Variants in IQANK1 observed in about 807,000 individuals in gnomAD.
The protein encoded by IQANK1 is IQ motif and ankyrin repeat domain-containing protein 1.
Under a neutral mutation model 22.6 loss-of-function variants are expected in IQANK1, and 30 were observed. That is an observed-to-expected ratio of 1.33 (90% CI 0.99 to 1.80). IQANK1 has a LOEUF of 1.80. Among genes scored for constraint, IQANK1 ranks in the 40% most tolerant of loss-of-function variants. The pLI is 0.00. For synonymous variants in IQANK1, 122 were observed against 99.6 expected (o/e 1.23, Z -1.34); for missense variants, 275 against 235.2 (o/e 1.17, Z -1.11).
intron 7 of IQANK1, among the ~76,000 whole-genome samples, chr8:143,775,936 G>C (rs1401903083): frequency 1.3e-5 from 2 of 152,070 alleles, no homozygotes; most frequent in African/African-American, 2.4e-5. Flanking sequence ...TAGTTAATCT[G>C]AAGATATAGC....
At chr8:143,742,148 C>T (rs1476626073) in intron 3 of IQANK1, 2 of 352,212 alleles carry the variant, frequency 5.7e-6, no homozygotes, top group Admixed American at 7.5e-5. Context: ...GAGCCACCCC[C>T]AAGCCTTTCC....
At chr8:143,763,051 C>T (rs535009717) in intron 3 of IQANK1, among the ~76,000 whole-genome samples, 1 of 150,702 alleles carries the variant, frequency 6.6e-6, no homozygotes, top group Non-Finnish European at 1.5e-5. Context: ...GAGTCTTGCT[C>T]TGTCACCCAG....
intron 3 of IQANK1, chr8:143,742,068 G>A (rs886261565): frequency 6.8e-6 from 2 of 293,288 alleles, no homozygotes; most frequent in African/African-American, 2.2e-5. Context: ...CGCTGCGGCC[G>A]ACTCTCTCTA....
chr8:143,737,927 G>T (rs374372266), intron 2 of IQANK1, among the ~76,000 whole-genome samples: 3 of 152,216 alleles, frequency 2.0e-5, no homozygotes, highest in Non-Finnish European at 4.4e-5. Flanking sequence ...GGCCGGCATG[G>T]GGTCCCCTGC....
chr8:143,760,912 G>A (rs931803567), intron 3 of IQANK1, among the ~76,000 whole-genome samples: 2 of 152,154 alleles, frequency 1.3e-5, no homozygotes, highest in African/African-American at 2.4e-5. Context: ...GGCGGGGCGC[G>A]GCCCAGCGCG....
chr8:143,740,716 C>G (rs1408191821), intron 3 of IQANK1, among the ~76,000 whole-genome samples: 1 of 152,326 alleles, frequency 6.6e-6, no homozygotes, highest in Non-Finnish European at 1.5e-5. Flanking sequence ...GGCCTGGCAC[C>G]GGCAGCCACC....
intron 3 of IQANK1, among the ~76,000 whole-genome samples, chr8:143,765,784 C>G (rs1167643145): frequency 1.3e-5 from 2 of 152,110 alleles, no homozygotes; most frequent in African/African-American, 2.4e-5. Flanking sequence ...TTTTATGTAG[C>G]TGTGGTTCAT....
At chr8:143,755,094 A>C (rs1315254366) in intron 3 of IQANK1, among the ~76,000 whole-genome samples, 2 of 152,158 alleles carry the variant, frequency 1.3e-5, no homozygotes, top group Non-Finnish European at 2.9e-5. Flanking sequence ...GCCATTATAG[A>C]GCTTCCCCCA....
At position 143,771,977 on chromosome 8, in the gene IQANK1, C is replaced by G. The variant is rs1563776891; in HGVS notation, c.471+12C>G. 2 of 284,520 alleles carry G rather than the reference C, an allele frequency of 7.0e-6. No homozygotes were observed. The allele number at this position is 284,520 out of a possible 1,614,324, so 17.6% of individuals were successfully genotyped here. A position where few individuals can be genotyped will look rare whatever the true frequency, so the allele number is the denominator to read the frequency against. On this transcript the variant is annotated intron_variant, in intron 5 of 13. Coordinates refer to ENST00000527139, the MANE Select transcript of IQANK1 (RefSeq NM_001381874.1). This position sits in a 1 kb window ranked among gnomAD's most constrained non-coding sequence, Gnocchi z 6.0. ...CGGTGCTGAAGGAGGTCAGCGGGGG[C>G]GGGAGGAGGACGAGGGCGGGGGGTG... is the stretch of plus-strand genomic sequence containing the variant.
At position 143,788,915 on chromosome 8, in the gene IQANK1, G is replaced by A. The variant is rs1819949943; in HGVS notation, c.790G>A (p.Val264Met). The A allele has an allele frequency of 1.0e-5, 4 of 399,010 alleles. No individual in the cohort carries two copies. Among genetic ancestry groups the A allele is most frequent in the Non-Finnish European group, 1.8e-5 (4 of 226,130 alleles). 24.7% of individuals were successfully genotyped at this position (399,010 alleles called of 1,614,324 possible). A position where few individuals can be genotyped will look rare whatever the true frequency, so the allele number is the denominator to read the frequency against. ...YAEDGSTPERVASLDTVVSVL... is the reference protein window; with the variant it reads ...YAEDGSTPERMASLDTVVSVL... ...CCCGACAAATGTCGTCTGTCACTAG[G>A]TGGCCTCACTGGACACAGTGGTGAG... is the stretch of plus-strand genomic sequence containing the variant. Residue 264 changes from valine (V) to methionine (M), a missense_variant and splice_region_variant, in exon 8 of 14, where the codon GTG (valine) becomes ATG (methionine). Physicochemically the swap from Val to Met is conservative, Grantham distance 21. Transcript: ENST00000527139.
chr8:143,787,812 A>G (rs1377650369), intron 7 of IQANK1, among the ~76,000 whole-genome samples: 1 of 151,806 alleles, frequency 6.6e-6, no homozygotes, highest in Non-Finnish European at 1.5e-5. Flanking sequence ...CTCTGTGGGA[A>G]TGCGGCCGCT....
chr8:143,748,967 CAT>C (rs1195257048), intron 3 of IQANK1, among the ~76,000 whole-genome samples: 7 of 109,554 alleles, frequency 6.4e-5, no homozygotes, highest in South Asian at 5.5e-4. Flanking sequence ...AAATATATAT[CAT>C]ATATAAATAT....
chr8:143,744,457 A>C (rs1332133903), intron 3 of IQANK1: 1 of 152,308 alleles, frequency 6.6e-6, no homozygotes, highest in Non-Finnish European at 1.5e-5. Context: ...ATTTGCCAAG[A>C]TGCTAGTCAC....
intron 3 of IQANK1, among the ~76,000 whole-genome samples, chr8:143,752,495 A>G (rs987424906): frequency 1.3e-5 from 2 of 152,118 alleles, no homozygotes; most frequent in South Asian, 4.1e-4. Context: ...TTGGATGTTT[A>G]TATGCATGTC....
chr8:143,787,727 G>A (rs544981279), intron 7 of IQANK1, among the ~76,000 whole-genome samples: 22 of 151,772 alleles, frequency 1.4e-4, no homozygotes, highest in African/African-American at 4.6e-4. Context: ...CTGTGGGAAC[G>A]CCGGCGGCTC....
In IQANK1 at chr8:143,789,860, A is replaced by C. The variant is rs1044307813; in HGVS notation, c.1186A>C (p.Thr396Pro). ...GGCCAGGCTGGAGCTTCGGGAGCAG[A>C]CGCAGGAGGGTGGGCCTGGCATGGG... is the stretch of plus-strand genomic sequence containing the variant. ...AMARLELREQTQEGEEEAPGL... is the reference protein window; with the variant it reads ...AMARLELREQPQEGEEEAPGL... Residue 396 changes from threonine to proline, a missense_variant, in exon 11 of 14, where the codon ACG (threonine) becomes CCG (proline). By Grantham distance (38) the Thr-to-Pro change is conservative. Transcript: ENST00000527139. 28 of 1,231,898 alleles carry C rather than the reference A, an allele frequency of 2.3e-5. 1 individual carries two copies. The African/African-American group carries it at 3.3e-4, about 14-fold the overall frequency. 76.3% of individuals were successfully genotyped at this position (1,231,898 alleles called of 1,614,324 possible). A position where few individuals can be genotyped will look rare whatever the true frequency, so the allele number is the denominator to read the frequency against.
chr8:143,783,796 G>A (rs1402595956), intron 7 of IQANK1, among the ~76,000 whole-genome samples: 2 of 152,164 alleles, frequency 1.3e-5, no homozygotes, highest in Non-Finnish European at 2.9e-5. Flanking sequence ...TCATATGGAT[G>A]CACAGTTGTC....
chr8:143,780,790 C>T (rs13264809), intron 7 of IQANK1, among the ~76,000 whole-genome samples: 15 of 152,134 alleles, frequency 9.9e-5, no homozygotes, highest in African/African-American at 3.1e-4. Flanking sequence ...TCAACATATG[C>T]GTGCATGTGT....
rs1159146402 is a variant in IQANK1 at position 143,735,197 on chromosome 8, T to C, written c.-4-653T>C. Among the ~76,000 whole-genome samples, 3 of 152,188 alleles carry C rather than the reference T, an allele frequency of 2.0e-5. No homozygotes were observed. Among genetic ancestry groups the C allele is most frequent in the Admixed American group, 2.0e-4 (3 of 15,288 alleles). ...GGTCAGACCAGTGCCCAGGCAACTG[T>C]GCTGCAGCGGGTGAGGGGCATGGGG... On this transcript the variant is annotated intron_variant, in intron 1 of 13. Transcript: ENST00000527139. The surrounding 1 kb of genome is among the most constrained non-coding windows in gnomAD (Gnocchi z 5.2).
Sources: gnomAD v4.1 joint callset for allele counts (sites outside exome capture counted in the v4.1 genomes callset) on GRCh38, gnomAD v4.1.1 for gene constraint, Gnocchi (gnomAD v3.1) non-coding constraint, MANE v1.5 for transcripts, NCBI Gene and HGNC (gene_info 2026-07-23, HGNC 2026-07-21) for gene names.